The following PDE1A variants were observed in gnomAD, a reference collection of about 807,000 sequenced individuals.
PDE1A encodes the protein phosphodiesterase 1A.
Under a neutral mutation model 61.7 loss-of-function variants are expected in PDE1A, and 35 were observed. That is an observed-to-expected ratio of 0.57 (90% CI 0.43 to 0.75). The LOEUF (loss-of-function observed/expected upper bound fraction) is 0.75, where lower values mean the gene tolerates loss of function less well. Among genes scored for constraint, PDE1A ranks in the 30% least tolerant of loss-of-function variants. The pLI, the probability that PDE1A is intolerant of heterozygous loss-of-function variation, is 0.00. For missense variants in PDE1A, 597 were observed against 630.6 expected (o/e 0.95, Z 0.57); for synonymous variants, 232 against 213.2 (o/e 1.09, Z -0.77).
chr2:182,636,940 C>T, the PDE1A span, among the ~76,000 whole-genome samples: 1 of 152,218 alleles, frequency 6.6e-6, no homozygotes, highest in Non-Finnish European at 1.5e-5. Context: ...TTTTCATGAG[C>T]TCCCTCCAGC....
the PDE1A span, among the ~76,000 whole-genome samples, chr2:182,682,603 A>C: frequency 6.6e-6 from 1 of 152,188 alleles, no homozygotes; most frequent in Non-Finnish European, 1.5e-5. Context: ...TTCTATGTTT[A>C]ATCAAAGAAG....
chr2:182,371,508 C>T (rs1700127885), intron 1 of PDE1A, among the ~76,000 whole-genome samples: 1 of 152,146 alleles, frequency 6.6e-6, no homozygotes. Flanking sequence ...AAGCAGACTG[C>T]CCCACAATGT....
the PDE1A span, among the ~76,000 whole-genome samples, chr2:182,637,775 G>C: frequency 6.6e-6 from 1 of 151,994 alleles, no homozygotes; most frequent in Admixed American, 6.6e-5. Flanking sequence ...ACAAAAATTA[G>C]CCAGGCATGG....
the PDE1A span, among the ~76,000 whole-genome samples, chr2:182,536,747 A>G: frequency 1.3e-5 from 2 of 152,212 alleles, no homozygotes; most frequent in East Asian, 3.8e-4. Flanking sequence ...AAGAGAATGC[A>G]GCAGAAGTGA....
intron 2 of PDE1A, among the ~76,000 whole-genome samples, chr2:182,459,048 A>T (rs75194106): frequency 0.18 from 27,646 of 151,976 alleles, 3,013 homozygotes; most frequent in Middle Eastern, 0.35. Context: ...ATCTGTTGCC[A>T]TAACTCATGA....
At chr2:182,344,195 A>G (rs528427423) in intron 1 of PDE1A, among the ~76,000 whole-genome samples, 5 of 152,258 alleles carry the variant, frequency 3.3e-5, no homozygotes, top group African/African-American at 1.2e-4. Flanking sequence ...TTTTGAAGCC[A>G]TCACTGAAAT....
intron 6 of PDE1A, among the ~76,000 whole-genome samples, chr2:182,228,986 T>C (rs1252873129): frequency 6.6e-6 from 1 of 152,166 alleles, no homozygotes; most frequent in Non-Finnish European, 1.5e-5. Flanking sequence ...CCAAATTCCC[T>C]AGTCTTACAG....
intron 7 of PDE1A, among the ~76,000 whole-genome samples, chr2:182,211,492 C>G (rs1687596290): frequency 6.6e-6 from 1 of 152,164 alleles, no homozygotes; most frequent in Admixed American, 6.5e-5. Flanking sequence ...ACTGTGTTAG[C>G]TATTATGAGT....
the PDE1A span, among the ~76,000 whole-genome samples, chr2:182,543,893 G>T: frequency 6.6e-6 from 1 of 152,072 alleles, no homozygotes; most frequent in African/African-American, 2.4e-5. Context: ...CACCATATGG[G>T]CTTCTAAAAT....
rs138730084 is a variant in PDE1A, at chr2:182,270,678, C to T, written c.54-6264G>A. ...AGGATATGGTTGTAAGAAATCCATA[C>T]TAAGAATCAGAAGAGCTAAAGTTAA... On this transcript the variant is annotated intron_variant, in intron 1 of 13. Transcript: ENST00000351439. 6.8e-3 allele frequency among the ~76,000 whole-genome samples: 1,032 copies of T among 150,996 alleles called. 8 individuals carry two copies. Among genetic ancestry groups the T allele is most frequent in the African/African-American group, 0.023 (947 of 41,400 alleles).
chr2:182,275,590 G>C (rs1693349380), intron 1 of PDE1A, among the ~76,000 whole-genome samples: 1 of 152,084 alleles, frequency 6.6e-6, no homozygotes. Flanking sequence ...AAGGTATCTA[G>C]AATAAGGTAT....
intron 1 of PDE1A, among the ~76,000 whole-genome samples, chr2:182,279,688 A>C (rs555480803): frequency 6.6e-6 from 1 of 152,006 alleles, no homozygotes; most frequent in East Asian, 1.9e-4. Flanking sequence ...TAAATGGCAT[A>C]TTTAATTTAC....
At chr2:182,480,542 T>C (rs1188510596) in intron 2 of PDE1A, among the ~76,000 whole-genome samples, 2 of 151,936 alleles carry the variant, frequency 1.3e-5, no homozygotes, top group East Asian at 1.9e-4. Flanking sequence ...GGGTTCCAAA[T>C]AATAAAATTT....
chr2:182,498,610 G>C (rs1008302347), intron 2 of PDE1A, among the ~76,000 whole-genome samples: 2 of 151,954 alleles, frequency 1.3e-5, no homozygotes, highest in African/African-American at 4.8e-5. Flanking sequence ...TGAAAGGCAT[G>C]TATTTCCAGA....
At chr2:182,381,187 T>C (rs982434680) in intron 1 of PDE1A, among the ~76,000 whole-genome samples, 12 of 151,950 alleles carry the variant, frequency 7.9e-5, no homozygotes, top group East Asian at 5.8e-4. Context: ...TTTTTTTTTT[T>C]ACATTTCTCA....
At chr2:182,277,366 A>T (rs1693495605) in intron 1 of PDE1A, among the ~76,000 whole-genome samples, 1 of 152,116 alleles carries the variant, frequency 6.6e-6, no homozygotes, top group South Asian at 2.1e-4. Context: ...GAAAGAATAT[A>T]CGTTGAAATA....
At chr2:182,254,244 A>G (rs7574051) in intron 2 of PDE1A, among the ~76,000 whole-genome samples, 9,427 of 152,170 alleles carry the variant, frequency 0.062, 918 homozygotes, top group African/African-American at 0.21. Flanking sequence ...CCAACCAAAA[A>G]GTACTGCAAC....
intron 13 of PDE1A, among the ~76,000 whole-genome samples, chr2:182,183,411 T>C (rs1176653975): frequency 6.6e-6 from 1 of 152,180 alleles, no homozygotes; most frequent in African/African-American, 2.4e-5. Context: ...CACTCCTCCA[T>C]CTTCCTCTCC....
At chr2:182,592,480 G>A in the PDE1A span, among the ~76,000 whole-genome samples, 8 of 152,292 alleles carry the variant, frequency 5.3e-5, no homozygotes, top group East Asian at 1.4e-3. Flanking sequence ...ACTTGGTTAC[G>A]TATCTTCCCA....
Sources: gnomAD v4.1 joint callset for allele counts (sites outside exome capture counted in the v4.1 genomes callset) on GRCh38, gnomAD v4.1.1 for gene constraint, MANE v1.5 for transcripts, NCBI Gene and HGNC (gene_info 2026-07-23, HGNC 2026-07-21) for gene names.